PIGG: variants seen among roughly 807,000 people sequenced by gnomAD.
PIGG encodes the protein phosphatidylinositol glycan anchor biosynthesis class G (EMM blood group), also known as GPI ethanolamine phosphate transferase 2, catalytic subunit.
PIGG carries 70 observed loss-of-function variants against 83.2 expected under a neutral mutation model. The observed-to-expected ratio is 0.84, with a 90% CI of 0.69 to 1.03. PIGG has a LOEUF of 1.03. Ranked by LOEUF, PIGG falls within the 50% of genes least tolerant of loss-of-function variation. PIGG has a pLI of 0.00. For synonymous variants in PIGG, 532 were observed against 519.5 expected, an observed-to-expected ratio of 1.02 and a Z score of -0.33; for missense variants, 1,257 against 1,233.6, an observed-to-expected ratio of 1.02 and a Z score of -0.28.
Position 508,841 on chromosome 4 carries a change from C to G in PIGG, c.772C>G (p.Pro258Ala). The change falls in exon 5 of 13, where the codon CCT becomes GCT. Residue 258 changes from proline to alanine, a missense_variant. By Grantham distance (27) the Pro-to-Ala change is conservative. Transcript: ENST00000453061. ...CTTTGCCTTAAAGGAGAGAGAGACG[C>G]CTTTACCCAATTTGCTGGTTCTTTG... ...TSLQSKERETPLPNLLVLCGD... is the reference protein window; with the variant it reads ...TSLQSKERETALPNLLVLCGD... The G allele has an allele frequency of 6.2e-7, 1 of 1,614,038 alleles. No individual in the cohort carries two copies. The highest frequency in any genetic ancestry group is 1.1e-5 in the South Asian group (1 of 91,078).
chr4:501,551 T>C (rs1169912389), intron 2 of PIGG: 1 of 163,362 alleles, frequency 6.1e-6, no homozygotes, highest in Admixed American at 6.4e-5. Flanking sequence ...TGTGAAACAT[T>C]ATTTGGTGAG....
chr4:499,426 C>T lies in PIGG; in HGVS notation c.91C>T (p.Pro31Ser). The T allele has an allele frequency of 3.7e-6, 6 of 1,607,456 alleles. No homozygotes were observed. Among genetic ancestry groups the T allele is most frequent in the Non-Finnish European group, 5.1e-6 (6 of 1,179,752 alleles). The change falls in exon 1 of 13, where the codon CCC (proline) becomes TCC (serine). Residue 31 changes from proline to serine, a missense_variant. By Grantham distance (74) the Pro-to-Ser change is moderately conservative. Transcript: ENST00000453061. ...CTTCCTTCGGGGATTCTTCCCGGCT[C>T]CCGTTCGTTCCTCTGCCAGAGCGGA... is the stretch of plus-strand genomic sequence containing the variant. Reference protein sequence around the residue: ...AVFLRGFFPAPVRSSARAEHG... With the variant: ...AVFLRGFFPASVRSSARAEHG...
At position 499,272 on chromosome 4, in the gene PIGG, C is replaced by A. The variant is rs541612462; in HGVS notation, c.-64C>A. On this transcript the variant is annotated 5_prime_UTR_variant, in exon 1 of 13. Transcript: ENST00000453061. ...AGAGGCGGCTACCTGGAGCCGGAAG[C>A]GCGGCTGCAGCAGGGCGAGGCTCCA... The A allele has an allele frequency of 8.4e-6, 13 of 1,556,284 alleles. No individual in the cohort carries two copies. The highest frequency in any genetic ancestry group is 8.0e-5 in the South Asian group (7 of 88,010).
chr4:500,365 C>G (rs782132719), intron 1 of PIGG, 31 bp from the exon 2 acceptor site: 1 of 1,531,438 alleles, frequency 6.5e-7, no homozygotes, highest in Middle Eastern at 1.7e-4. Context: ...GTTTAGAGTT[C>G]AATTTCCTTT....
At position 528,583 on chromosome 4, in the gene PIGG, G is replaced by C; in HGVS notation, c.2261+1353G>C. The C allele has an allele frequency of 3.0e-6, 3 of 985,408 alleles. No individual in the cohort carries two copies. Among genetic ancestry groups the C allele is most frequent in the Non-Finnish European group, 3.6e-6 (3 of 829,916 alleles). The allele number at this position is 985,408 out of a possible 1,614,324, so 61.0% of individuals were successfully genotyped here. A position where few individuals can be genotyped will look rare whatever the true frequency, so the allele number is the denominator to read the frequency against. On this transcript the variant is annotated intron_variant, in intron 10 of 12. Transcript: ENST00000453061. This position sits in a 1 kb window ranked among gnomAD's most constrained non-coding sequence, Gnocchi z 4.8. ...GGGGCAGAGAGGATGCTGACGTGCA[G>C]GTACCAGCGGTGTTCTGTGGAGATG...
rs574018512 is a variant in PIGG, at chr4:537,625, G to A, written c.2736-1528G>A. Among the ~76,000 whole-genome samples, 15 of 152,286 alleles carry A rather than the reference G, an allele frequency of 9.8e-5. No homozygotes were observed. In the East Asian group the frequency reaches 2.5e-3, roughly 26 times the overall value. On this transcript the variant is annotated intron_variant, in intron 12 of 12. Transcript: ENST00000453061. The stretch of plus-strand genomic sequence containing the variant: ...CCAGCGGTACGGGTTTGGGGGACCC[G>A]CCTAAGGAGCCAGGGCCTGGCAAGG...
At chr4:507,669 A>T (rs1720236494) in intron 4 of PIGG, 76 bp downstream of exon 4, 2 of 1,294,616 alleles carry the variant, frequency 1.5e-6, no homozygotes, top group Admixed American at 2.3e-5. Context: ...CAACCGCCTG[A>T]GTTATTCAGG....
chr4:528,277 G>A lies in PIGG; in HGVS notation c.2261+1047G>A. 1 of 982,566 alleles carries A rather than the reference G, an allele frequency of 1.0e-6. No homozygotes were observed. Among genetic ancestry groups the A allele is most frequent in the Non-Finnish European group, 1.2e-6 (1 of 827,408 alleles). 60.9% of individuals were successfully genotyped at this position (982,566 alleles called of 1,614,324 possible). A position where few individuals can be genotyped will look rare whatever the true frequency, so the allele number is the denominator to read the frequency against. ...AAGACTACATACTTAAAATACTGGT[G>A]ATTATATTTAGGACCTGAAATCATA... is the stretch of plus-strand genomic sequence containing the variant. On this transcript the variant is annotated intron_variant, in intron 10 of 12. Coordinates refer to ENST00000453061, the MANE Select transcript of PIGG (RefSeq NM_001127178.3). This position sits in a 1 kb window ranked among gnomAD's most constrained non-coding sequence, Gnocchi z 4.8.
intron 11 of PIGG, chr4:533,426 G>A (rs1729565844): frequency 5.3e-6 from 1 of 188,306 alleles, no homozygotes; most frequent in South Asian, 1.1e-4. Flanking sequence ...AGGGCCCTAT[G>A]CGCCCCTCGG....
Position 527,076 on chromosome 4 carries a change from C to T in PIGG, c.2107C>T (p.Leu703Phe), listed in dbSNP as rs748860255. ...AGCCGAGCTCTCTGTCCTGGCTGCC[C>T]TCTCCCTCCTCGTAGTTTTTGTGCT... Reference protein sequence around the residue: ...HKAELSVLAALSLLVVFVLVQ... With the variant: ...HKAELSVLAAFSLLVVFVLVQ... The change falls in exon 10 of 13, where the codon CTC (leucine) becomes TTC (phenylalanine). Residue 703 changes from leucine to phenylalanine, a missense_variant. Transcript: ENST00000453061. 1 of 1,614,062 alleles carries T rather than the reference C, an allele frequency of 6.2e-7. No individual in the cohort carries two copies. The highest frequency in any genetic ancestry group is 1.7e-5 in the Admixed American group (1 of 60,026).
chr4:514,214 T>C (rs1475618295), intron 5 of PIGG, among the ~76,000 whole-genome samples: 1 of 152,174 alleles, frequency 6.6e-6, no homozygotes, highest in Non-Finnish European at 1.5e-5. Flanking sequence ...CCTTTATTAT[T>C]TGGAAGCAGA....
At chr4:517,777 G>A (rs1285801620) in intron 6 of PIGG, among the ~76,000 whole-genome samples, 1 of 152,002 alleles carries the variant, frequency 6.6e-6, no homozygotes, top group African/African-American at 2.4e-5. Context: ...GAGGTGCCAG[G>A]AGACAGCTAC....
intron 9 of PIGG, among the ~76,000 whole-genome samples, chr4:524,379 C>T (rs1180190464): frequency 1.3e-5 from 2 of 152,206 alleles, no homozygotes; most frequent in Non-Finnish European, 2.9e-5. Flanking sequence ...CATCTTGGCT[C>T]TCAGCTCTGC....
At chr4:529,954 T>A (rs1728611027) in intron 10 of PIGG, among the ~76,000 whole-genome samples, 1 of 152,234 alleles carries the variant, frequency 6.6e-6, no homozygotes, top group Non-Finnish European at 1.5e-5. Context: ...GTGCAGGTGC[T>A]TATTTACCTA....
At chr4:507,816 T>G (rs1234729399) in intron 4 of PIGG, among the ~76,000 whole-genome samples, 8 of 152,230 alleles carry the variant, frequency 5.3e-5, no homozygotes, top group Non-Finnish European at 1.2e-4. Context: ...CCTACCCGTG[T>G]ATGCATTCAT....
chr4:524,388 G>C (rs1218386514), intron 9 of PIGG, among the ~76,000 whole-genome samples: 1 of 152,216 alleles, frequency 6.6e-6, no homozygotes, highest in Non-Finnish European at 1.5e-5. Context: ...TCTCAGCTCT[G>C]CGGGCTGCAC....
intron 6 of PIGG, among the ~76,000 whole-genome samples, chr4:516,517 G>A (rs1723906011): frequency 6.6e-6 from 1 of 152,154 alleles, no homozygotes; most frequent in Non-Finnish European, 1.5e-5. Flanking sequence ...AGAGGGAGGA[G>A]AGAAAAGGAA....
At chr4:538,001 C>T (rs1731090496) in intron 12 of PIGG, among the ~76,000 whole-genome samples, 1 of 151,650 alleles carries the variant, frequency 6.6e-6, no homozygotes, top group Non-Finnish European at 1.5e-5. Flanking sequence ...GGCCCAGACA[C>T]ACATACGTGC....
In PIGG at chr4:533,870, T is replaced by C. The variant is rs1360573368; in HGVS notation, c.2624T>C (p.Leu875Ser). 2 of 1,613,918 alleles carry C rather than the reference T, an allele frequency of 1.2e-6. No individual in the cohort carries two copies. The highest frequency in any genetic ancestry group is 1.7e-6 in the Non-Finnish European group (2 of 1,180,032). Residue 875 changes from leucine (L) to serine (S), a missense_variant, in exon 12 of 13, where the codon TTA becomes TCA. Leu to Ser is a moderately radical substitution (Grantham distance 145, BLOSUM62 -2). Coordinates refer to ENST00000453061, the MANE Select transcript of PIGG (RefSeq NM_001127178.3). ...GACATCTCCGCAGGCTTCGTGGGCT[T>C]AGACACCTACGTGGAAATCCCAGCC... is the stretch of plus-strand genomic sequence containing the variant. ...TVDISAGFVGLDTYVEIPAVL... is the reference protein window; with the variant it reads ...TVDISAGFVGSDTYVEIPAVL...
Sources: gnomAD v4.1 joint callset for allele counts (sites outside exome capture counted in the v4.1 genomes callset) on GRCh38, gnomAD v4.1.1 for gene constraint, Gnocchi (gnomAD v3.1) non-coding constraint, MANE v1.5 for transcripts, NCBI Gene and HGNC (gene_info 2026-07-23, HGNC 2026-07-21) for gene names.